The following PCYT1A variants were observed in gnomAD, a reference collection of about 807,000 sequenced individuals.
The protein encoded by PCYT1A is choline-phosphate cytidylyltransferase A.
A neutral mutation model predicts 43.7 loss-of-function variants in PCYT1A; 25 were observed. The observed-to-expected ratio is 0.57, with a 90% CI of 0.42 to 0.80. The LOEUF is 0.80. PCYT1A is among the 30% of genes least tolerant of loss of function. The pLI is 0.00. For missense variants in PCYT1A, 421 were observed against 474.2 expected, an observed-to-expected ratio of 0.89 and a Z score of 1.04; for synonymous variants, 172 against 170.7, an observed-to-expected ratio of 1.01 and a Z score of -0.06.
At chr3:196,256,582 C>A (rs1025523677) in intron 3 of PCYT1A, among the ~76,000 whole-genome samples, 1 of 152,148 alleles carries the variant, frequency 6.6e-6, no homozygotes, top group Non-Finnish European at 1.5e-5. Context: ...CTCTGTCACC[C>A]AGGCTGGAGT....
intron 1 of PCYT1A, among the ~76,000 whole-genome samples, chr3:196,286,443 T>G (rs1242001336): frequency 6.6e-6 from 1 of 152,182 alleles, no homozygotes; most frequent in African/African-American, 2.4e-5. Context: ...AATCATCCGG[T>G]CCAATGTTTT....
rs531812239 is a variant in PCYT1A at position 196,256,191 on chromosome 3, G to A, written c.217+1597C>T. Among the ~76,000 whole-genome samples the A allele has an allele frequency of 3.9e-5, 6 of 152,328 alleles. No homozygotes were observed. In the South Asian group the frequency reaches 1.2e-3, roughly 32 times the overall value. ...TACCCAAGATAAGGCCAAAGGATAG[G>A]TGTTAAAATTCCCGGCATTGGCCGG... On this transcript the variant is annotated intron_variant, in intron 3 of 8. Transcript: ENST00000431016.
At chr3:196,258,211 G>A (rs779950662) in intron 2 of PCYT1A, among the ~76,000 whole-genome samples, 9 of 151,514 alleles carry the variant, frequency 5.9e-5, no homozygotes, top group Non-Finnish European at 1.2e-4. Flanking sequence ...GCTTGAACCC[G>A]GGAGGCAGAG....
chr3:196,256,076 T>C (rs1472822003), intron 3 of PCYT1A, among the ~76,000 whole-genome samples: 1 of 152,110 alleles, frequency 6.6e-6, no homozygotes, highest in Non-Finnish European at 1.5e-5. Context: ...TTGTGATCAA[T>C]ATGAACTATA....
At chr3:196,248,763 T>A (rs960409898) in intron 3 of PCYT1A, among the ~76,000 whole-genome samples, 7 of 150,610 alleles carry the variant, frequency 4.6e-5, no homozygotes, top group Non-Finnish European at 8.9e-5. Context: ...TCTTTTTTTT[T>A]ATTTTTTTCT....
chr3:196,259,738 G>C (rs1032392738), intron 2 of PCYT1A, among the ~76,000 whole-genome samples: 4 of 151,168 alleles, frequency 2.6e-5, no homozygotes, highest in Non-Finnish European at 5.9e-5. Flanking sequence ...CCAGTTACTT[G>C]GGAAGCTGAG....
At position 196,277,356 on chromosome 3, in the gene PCYT1A, C is replaced by T. The variant is rs180749617; in HGVS notation, c.-10-6815G>A. ...CTTTTGGGTTTTACATTATATTCTA[C>T]ACTGTTCTTTAAACTGAAGTCTTTA... On this transcript the variant is annotated intron_variant, in intron 1 of 8. Coordinates refer to ENST00000431016, the MANE Select transcript of PCYT1A (RefSeq NM_001312673.2). The surrounding 1 kb of genome is among the most constrained non-coding windows in gnomAD (Gnocchi z 4.1). Among the ~76,000 whole-genome samples, 1 of 152,244 alleles carries T rather than the reference C, an allele frequency of 6.6e-6. No individual in the cohort carries two copies. The highest frequency in any genetic ancestry group is 6.5e-5 in the Admixed American group (1 of 15,282).
At chr3:196,255,421 T>C (rs188547758) in intron 3 of PCYT1A, among the ~76,000 whole-genome samples, 1 of 152,226 alleles carries the variant, frequency 6.6e-6, no homozygotes, top group Non-Finnish European at 1.5e-5. Flanking sequence ...CTTTATGTAC[T>C]TAATGAAGAA....
intron 3 of PCYT1A, among the ~76,000 whole-genome samples, chr3:196,257,299 A>C (rs998469816): frequency 2.6e-5 from 4 of 152,234 alleles, no homozygotes; most frequent in African/African-American, 9.6e-5. Context: ...AGTATTTTTT[A>C]AAACCTGGAA....
rs567793587 is a variant in PCYT1A at position 196,280,573 on chromosome 3, T to A, written c.-11+7042A>T. Among the ~76,000 whole-genome samples, 1,287 of 144,978 alleles carry A rather than the reference T, an allele frequency of 8.9e-3. 18 individuals are homozygous for A. Among genetic ancestry groups the A allele is most frequent in the African/African-American group, 0.031 (1,190 of 38,184 alleles). On this transcript the variant is annotated intron_variant, in intron 1 of 8. Transcript: ENST00000431016. ...TTGTTGTATTGGTATTTTTATTGTT[T>A]TTTTTTTTTTTTTTTTCTGAATATT...
Position 196,282,418 on chromosome 3 carries a change from A to AG in PCYT1A, c.-11+5196dup, listed in dbSNP as rs1219009908. 2.0e-5 allele frequency among the ~76,000 whole-genome samples: 3 copies of AG among 152,230 alleles called. No individual in the cohort carries two copies. The highest frequency in any genetic ancestry group is 6.5e-5 in the Admixed American group (1 of 15,280). ...GTTATGGAACTCATATCTCTGAGGC[A>AG]GGGTCTATGATAGAATTCAGGAAGT... On this transcript the variant is annotated intron_variant, in intron 1 of 8. Transcript: ENST00000431016. The surrounding 1 kb of genome is among the most constrained non-coding windows in gnomAD (Gnocchi z 4.3).
intron 3 of PCYT1A, among the ~76,000 whole-genome samples, chr3:196,250,068 CT>C (rs201740481): frequency 1.4e-5 from 2 of 147,688 alleles, no homozygotes. Context: ...CATGCCGAGG[CT>C]GAGGACCAGA....
chr3:196,270,015 AG>A (rs1428849940), intron 2 of PCYT1A, among the ~76,000 whole-genome samples: 10 of 152,164 alleles, frequency 6.6e-5, no homozygotes, highest in African/African-American at 2.4e-4. Flanking sequence ...CTGAGATTAC[AG>A]GCATGCGCCA....
rs570681467 is a variant in PCYT1A at position 196,286,246 on chromosome 3, T to C, written c.-11+1369A>G. ...CCCGCCCAGTGTCCCTATTTCAATA[T>C]AATTTCTGGTTCTCCCAACTGAGAT... On this transcript the variant is annotated intron_variant, in intron 1 of 8. Transcript: ENST00000431016. Among the ~76,000 whole-genome samples, 10 of 152,160 alleles carry C rather than the reference T, an allele frequency of 6.6e-5. 1 individual carries two copies. The South Asian group carries it at 2.1e-3, about 32-fold the overall frequency.
intron 1 of PCYT1A, among the ~76,000 whole-genome samples, chr3:196,281,715 G>A (rs1725776484): frequency 6.6e-6 from 1 of 152,088 alleles, no homozygotes; most frequent in Non-Finnish European, 1.5e-5. Flanking sequence ...CCAATCTAAA[G>A]TGAAAAACAG....
At chr3:196,248,859 C>T (rs1441774017) in intron 3 of PCYT1A, among the ~76,000 whole-genome samples, 1 of 151,854 alleles carries the variant, frequency 6.6e-6, no homozygotes, top group Non-Finnish European at 1.5e-5. Context: ...CGGATTCAAG[C>T]GACTCTCCTG....
At chr3:196,267,966 G>A (rs917480046) in intron 2 of PCYT1A, among the ~76,000 whole-genome samples, 5 of 152,156 alleles carry the variant, frequency 3.3e-5, no homozygotes, top group Non-Finnish European at 1.5e-5. Context: ...CACTAAGGTG[G>A]GCCAGGCTGT....
intron 1 of PCYT1A, among the ~76,000 whole-genome samples, chr3:196,285,983 G>A (rs550302465): frequency 2.5e-4 from 38 of 150,734 alleles, no homozygotes; most frequent in Admixed American, 1.8e-3. Context: ...AAAGCTTCCC[G>A]TTCCTCATGA....
chr3:196,251,772 T>A (rs1455664863), intron 3 of PCYT1A: 1 of 152,270 alleles, frequency 6.6e-6, no homozygotes, highest in Non-Finnish European at 1.5e-5. Flanking sequence ...TTTACTTAGA[T>A]ATTCACAGAA....
Sources: allele counts gnomAD v4.1 joint callset (sites outside exome capture counted in the v4.1 genomes callset), GRCh38; gene constraint gnomAD v4.1.1; non-coding constraint Gnocchi (gnomAD v3.1); transcripts MANE v1.5; gene names NCBI Gene and HGNC (gene_info 2026-07-23, HGNC 2026-07-21).